Variants in FOXP4 observed in about 807,000 individuals in gnomAD.
FOXP4 encodes forkhead box P4.
Under a neutral mutation model 82.6 loss-of-function variants are expected in FOXP4, and 25 were observed. The observed-to-expected ratio is 0.30, with a 90% CI of 0.22 to 0.42. The LOEUF (loss-of-function observed/expected upper bound fraction) is 0.42, where lower values mean the gene tolerates loss of function less well. FOXP4 is among the 10% of genes least tolerant of loss of function. FOXP4 has a pLI of 1.00. For synonymous variants in FOXP4, 415 were observed against 388.2 expected (o/e 1.07, Z -0.81); for missense variants, 785 against 900.9 (o/e 0.87, Z 1.65).
In FOXP4 at chr6:41,597,193, A is replaced by T; in HGVS notation, c.1676A>T (p.Lys559Met). ...TCCTCCAGGAGCCCCACCCTGGTGA[A>T]GAACATGATCTCTGGCCTCAGCTAT... ...PKMTGSPTLV[K>M]NMISGLSYGA... The change falls in exon 15 of 17, where the codon AAG becomes ATG. Residue 559 changes from lysine to methionine, a missense_variant. Physicochemically the swap from Lys to Met is moderately conservative, Grantham distance 95 (BLOSUM62 -1). Coordinates refer to ENST00000307972, the MANE Select transcript of FOXP4 (RefSeq NM_001012426.2). 1 of 1,614,196 alleles carries T rather than the reference A, an allele frequency of 6.2e-7. No individual in the cohort carries two copies. Among genetic ancestry groups the T allele is most frequent in the Admixed American group, 1.7e-5 (1 of 60,032 alleles).
At chr6:41,551,179 C>G (rs1763975409) in intron 1 of FOXP4, among the ~76,000 whole-genome samples, 1 of 152,196 alleles carries the variant, frequency 6.6e-6, no homozygotes, top group African/African-American at 2.4e-5. Context: ...CTTGCAGAGC[C>G]TGGACGCAGG....
rs1763634322 is a variant in FOXP4, at chr6:41,546,627, G to C, written c.-257G>C. 6.7e-6 allele frequency: 1 copy of C among 148,282 alleles called. No individual in the cohort carries two copies. 9.2% of individuals were successfully genotyped at this position (148,282 alleles called of 1,614,324 possible). ...GCTGACGAGCGTCGCGGAAGGACCGGGAAGGAAGAGCGGAGCCGGAGCGAG... is the reference window on the plus strand; with the variant it reads ...GCTGACGAGCGTCGCGGAAGGACCGCGAAGGAAGAGCGGAGCCGGAGCGAG... On this transcript the variant is annotated 5_prime_UTR_variant, in exon 1 of 17. Transcript: ENST00000307972.
intron 2 of FOXP4, among the ~76,000 whole-genome samples, chr6:41,574,989 G>GA: frequency 6.6e-6 from 1 of 152,152 alleles, no homozygotes; most frequent in South Asian, 2.1e-4. Context: ...TGTTTTTTGA[G>GA]ATGGAGTCTT....
chr6:41,598,803 T>G lies in FOXP4; in HGVS notation c.1910T>G (p.Val637Gly), dbSNP rs1384716146. 6.4e-7 allele frequency: 1 copy of G among 1,563,274 alleles called. No individual in the cohort carries two copies. The highest frequency in any genetic ancestry group is 1.9e-5 in the Admixed American group (1 of 51,512). The change falls in exon 17 of 17, where the codon GTG becomes GGG. Residue 637 changes from valine (V) to glycine (G), a missense_variant. Val to Gly is a moderately radical substitution (Grantham distance 109). Coordinates refer to ENST00000307972, the MANE Select transcript of FOXP4 (RefSeq NM_001012426.2). ...TTTTGCCTCAGCCACCAGGTGCAGG[T>G]GAAGGAGGAGCCAGCAGAGGCAGAG... ...SPPQYSHQVQ[V>G]KEEPAEAEED...
intron 1 of FOXP4, among the ~76,000 whole-genome samples, chr6:41,561,941 T>A (rs1004042214): frequency 6.6e-6 from 1 of 152,212 alleles, no homozygotes; most frequent in Non-Finnish European, 1.5e-5. Context: ...GGACACTGAC[T>A]TCTCCTCCAT....
At chr6:41,550,247 C>T (rs1159540727) in intron 1 of FOXP4, among the ~76,000 whole-genome samples, 1 of 152,158 alleles carries the variant, frequency 6.6e-6, no homozygotes, top group Non-Finnish European at 1.5e-5. Context: ...CTTCGAACCT[C>T]AATTTTCTTA....
intron 14 of FOXP4, 144 bp downstream of exon 14, chr6:41,595,135 A>G: frequency 8.0e-7 from 1 of 1,256,712 alleles, no homozygotes; most frequent in South Asian, 1.5e-5. Flanking sequence ...GGAGCAGAGG[A>G]GACTAGTGCT....
rs372503041 is a variant in FOXP4, at chr6:41,593,987, G to A, written c.1537-883G>A. 4.6e-5 allele frequency among the ~76,000 whole-genome samples: 7 copies of A among 152,144 alleles called. No homozygotes were observed. Among genetic ancestry groups the A allele is most frequent in the Admixed American group, 4.6e-4 (7 of 15,280 alleles). On this transcript the variant is annotated intron_variant, in intron 13 of 16. Coordinates refer to ENST00000307972, the MANE Select transcript of FOXP4 (RefSeq NM_001012426.2). This position sits in a 1 kb window ranked among gnomAD's most constrained non-coding sequence, Gnocchi z 4.1. ...CAGGGATGGTGATAACTGGGAGCTG[G>A]CCGTGGGGGCAGCACAGCTGAGAGA...
At chr6:41,577,222 C>T (rs972074330) in intron 2 of FOXP4, among the ~76,000 whole-genome samples, 3 of 152,162 alleles carry the variant, frequency 2.0e-5, no homozygotes, top group African/African-American at 4.8e-5. Flanking sequence ...GCCCACAGCA[C>T]GATGGTCCAT....
At chr6:41,549,731 T>TG (rs372246346) in intron 1 of FOXP4, among the ~76,000 whole-genome samples, 3 of 76,888 alleles carry the variant, frequency 3.9e-5, no homozygotes, top group African/African-American at 1.3e-4. Flanking sequence ...TATCACATGG[T>TG]GGGGGGGAGG....
At chr6:41,594,228 C>T (rs1399145961) in intron 13 of FOXP4, among the ~76,000 whole-genome samples, 1 of 152,214 alleles carries the variant, frequency 6.6e-6, no homozygotes, top group African/African-American at 2.4e-5. Context: ...CTTTCTGCCT[C>T]TGGGTTGTCA....
intron 2 of FOXP4, among the ~76,000 whole-genome samples, chr6:41,571,717 G>A (rs1451494704): frequency 1.3e-5 from 2 of 152,096 alleles, no homozygotes; most frequent in African/African-American, 2.4e-5. Context: ...AACTTCAGGG[G>A]TTTTATGGTC....
At chr6:41,585,622 C>A in intron 5 of FOXP4, 105 bp downstream of exon 5, 2 of 1,051,672 alleles carry the variant, frequency 1.9e-6, no homozygotes, top group South Asian at 1.6e-5. Context: ...GTAGAAAAAT[C>A]TAGAAAAGGC....
rs568523519 is a variant in FOXP4 at position 41,580,116 on chromosome 6, A to G, written c.300+2035A>G. 1.4e-4 allele frequency among the ~76,000 whole-genome samples: 21 copies of G among 146,150 alleles called. No homozygotes were observed. The South Asian group carries it at 4.5e-3, about 31-fold the overall frequency. ...GAGTGCAATGCCGTGATTTCAGCTC[A>G]CCACAACCTCTGCCTCCCGGGTTCA... is the stretch of plus-strand genomic sequence containing the variant. On this transcript the variant is annotated intron_variant, in intron 3 of 16. Coordinates refer to ENST00000307972, the MANE Select transcript of FOXP4 (RefSeq NM_001012426.2).
rs1388829672 is a variant in FOXP4, at chr6:41,591,547, C to T, written c.1536+225C>T. Among the ~76,000 whole-genome samples, 1 of 152,232 alleles carries T rather than the reference C, an allele frequency of 6.6e-6. No homozygotes were observed. The highest frequency in any genetic ancestry group is 2.4e-5 in the African/African-American group (1 of 41,472). On this transcript the variant is annotated intron_variant, in intron 13 of 16. Coordinates refer to ENST00000307972, the MANE Select transcript of FOXP4 (RefSeq NM_001012426.2). The surrounding 1 kb of genome is among the most constrained non-coding windows in gnomAD (Gnocchi z 4.2). ...CTTCCTTCCAGCCTGGTGCTGCCTC[C>T]TTTCTGGGAAGCAATCCTTCTCTAG...
chr6:41,584,873 A>G lies in FOXP4; in HGVS notation c.405A>G (p.Gln135=). Residue 135 remains glutamine (Q), a synonymous_variant, in exon 4 of 17, where the codon CAA becomes CAG. Transcript: ENST00000307972. The part of the protein sequence containing the change: ...PQLQALLQQQ[Q]ALMLQQLQEY... ...TGCAGGCCTTGCTCCAGCAGCAGCA[A>G]GCCCTCATGCTCCAGCAGGTGAGTC... 2 of 1,611,406 alleles carry G rather than the reference A, an allele frequency of 1.2e-6. No individual in the cohort carries two copies. Among genetic ancestry groups the G allele is most frequent in the Middle Eastern group, 1.7e-4 (1 of 6,054 alleles).
At chr6:41,559,404 T>C (rs1332955330) in intron 1 of FOXP4, among the ~76,000 whole-genome samples, 2 of 152,220 alleles carry the variant, frequency 1.3e-5, no homozygotes, top group African/African-American at 2.4e-5. Context: ...TGGTGAAACA[T>C]GCTCCTGGCC....
intron 1 of FOXP4, among the ~76,000 whole-genome samples, chr6:41,557,168 G>C (rs536292455): frequency 6.6e-6 from 1 of 152,322 alleles, no homozygotes; most frequent in East Asian, 1.9e-4. Flanking sequence ...AGGGCCTGTA[G>C]TGTTGAGTTG....
intron 1 of FOXP4, among the ~76,000 whole-genome samples, chr6:41,552,264 G>T (rs879551128): frequency 1.3e-5 from 2 of 152,178 alleles, no homozygotes; most frequent in Non-Finnish European, 2.9e-5. Flanking sequence ...ATGCACATCC[G>T]CATCCTGGAA....
Sources: gnomAD v4.1 joint callset for allele counts (sites outside exome capture counted in the v4.1 genomes callset) on GRCh38, gnomAD v4.1.1 for gene constraint, Gnocchi (gnomAD v3.1) non-coding constraint, MANE v1.5 for transcripts, NCBI Gene and HGNC (gene_info 2026-07-23, HGNC 2026-07-21) for gene names.